HECW2: variants seen among roughly 807,000 people sequenced by gnomAD.
HECW2 encodes the protein E3 ubiquitin-protein ligase HECW2.
HECW2 carries 61 observed loss-of-function variants against 175.2 expected under a neutral mutation model. The ratio of observed to expected loss-of-function variants is 0.35; its 90% CI spans 0.28 to 0.43. HECW2 has a LOEUF of 0.43. Ranked by LOEUF, HECW2 falls within the 20% of genes least tolerant of loss-of-function variation. The probability of loss-of-function intolerance (pLI) is 1.00; values close to 1 mark genes in which losing one functional copy is unlikely to be tolerated. For missense variants in HECW2, 1,524 were observed against 2,000.5 expected (o/e 0.76, Z 4.54); for synonymous variants, 671 against 731.0 (o/e 0.92, Z 1.32).
In HECW2 at chr2:196,306,500, C is replaced by T; in HGVS notation, c.2802G>A (p.Leu934=). The part of the protein sequence containing the change: ...FLISPEFFTV[L]HSNPSAYRMF... ...ATTCGCTACTCACAGGGTTAGAATG[C>T]AGCACGGTGAAGAACTCTGGGCTGA... The change falls in exon 13 of 29, where the codon CTG becomes CTA. Residue 934 remains leucine (L), a synonymous_variant. Transcript: ENST00000644978. 1 of 1,610,164 alleles carries T rather than the reference C, an allele frequency of 6.2e-7. No homozygotes were observed. Among genetic ancestry groups the T allele is most frequent in the Non-Finnish European group, 8.5e-7 (1 of 1,178,252 alleles).
intron 1 of HECW2, among the ~76,000 whole-genome samples, chr2:196,499,085 G>A (rs1227686756): frequency 6.6e-6 from 1 of 152,026 alleles, no homozygotes; most frequent in African/African-American, 2.4e-5. Context: ...TTCTCAGAGA[G>A]GCAAATTTGA....
chr2:196,447,704 C>G lies in HECW2; in HGVS notation c.-35-14246G>C, dbSNP rs898100150. Among the ~76,000 whole-genome samples, 3 of 152,134 alleles carry G rather than the reference C, an allele frequency of 2.0e-5. No individual in the cohort carries two copies. In the South Asian group the frequency reaches 6.2e-4, roughly 32 times the overall value. ...TGACTGTAGTGAGAAAATCAAATATCGTATTGTGCTATCACACAGTTTTCT... is the reference window on the plus strand; with the variant it reads ...TGACTGTAGTGAGAAAATCAAATATGGTATTGTGCTATCACACAGTTTTCT... On this transcript the variant is annotated intron_variant, in intron 1 of 28. Transcript: ENST00000644978.
chr2:196,508,477 G>A (rs900360706), intron 1 of HECW2, among the ~76,000 whole-genome samples: 2 of 152,252 alleles, frequency 1.3e-5, no homozygotes, highest in African/African-American at 4.8e-5. Context: ...AGCAGGAAAT[G>A]TTTGACTTTC....
chr2:196,416,725 C>T (rs546894806), intron 2 of HECW2, among the ~76,000 whole-genome samples: 1 of 152,288 alleles, frequency 6.6e-6, no homozygotes, highest in East Asian at 1.9e-4. Flanking sequence ...TCCAAGTATC[C>T]CGCCAGGCTG....
intron 15 of HECW2, 117 bp downstream of exon 15, chr2:196,278,411 A>C: frequency 1.7e-6 from 2 of 1,162,262 alleles, no homozygotes; most frequent in South Asian, 1.7e-5. Context: ...CTCTAAATCA[A>C]ACTCAAAAAA....
At chr2:196,263,739 A>G (rs1463323326) in intron 17 of HECW2, 1 of 152,238 alleles carries the variant, frequency 6.6e-6, no homozygotes, top group Non-Finnish European at 1.5e-5. Flanking sequence ...TTAATCAGCC[A>G]CATGTGTAGG....
At chr2:196,526,681 A>T (rs1688662791) in intron 1 of HECW2, among the ~76,000 whole-genome samples, 1 of 145,766 alleles carries the variant, frequency 6.9e-6, no homozygotes, top group Non-Finnish European at 1.5e-5. Flanking sequence ...TCTGTTTGTT[A>T]GTTTTCCTTC....
chr2:196,447,522 T>A (rs1192783878), intron 1 of HECW2, among the ~76,000 whole-genome samples: 6 of 152,220 alleles, frequency 3.9e-5, no homozygotes, highest in Non-Finnish European at 8.8e-5. Context: ...TAAAGTCACA[T>A]GCAAAACCAC....
chr2:196,228,200 G>A lies in HECW2; in HGVS notation c.3819C>T (p.Leu1273=). 6.2e-7 allele frequency: 1 copy of A among 1,613,400 alleles called. No homozygotes were observed. The highest frequency in any genetic ancestry group is 8.5e-7 in the Non-Finnish European group (1 of 1,179,682). The change falls in exon 22 of 29, where the codon CTC becomes CTT. Residue 1273 remains leucine, a synonymous_variant. Transcript: ENST00000644978. The part of the protein sequence containing the change: ...REFFFLVSRE[L]FNPYYGLFEY... Reference sequence around the variant, plus strand: ...CAAATAAGCCATAATATGGGTTAAAGAGTTCTCTGGATACCAGGAAGAAAA... The same window carrying A: ...CAAATAAGCCATAATATGGGTTAAAAAGTTCTCTGGATACCAGGAAGAAAA...
At chr2:196,242,017 A>T in intron 20 of HECW2, 67 bp downstream of exon 20, 1 of 1,460,894 alleles carries the variant, frequency 6.8e-7, no homozygotes, top group Non-Finnish European at 9.5e-7. Context: ...TCAATTTCCT[A>T]GAGGCCCAAC....
chr2:196,243,847 G>A (rs1056210499), intron 19 of HECW2, among the ~76,000 whole-genome samples: 2 of 152,158 alleles, frequency 1.3e-5, no homozygotes, highest in Non-Finnish European at 2.9e-5. Context: ...CCAAAGTGCT[G>A]GGATTACAGG....
intron 17 of HECW2, among the ~76,000 whole-genome samples, 155 bp downstream of exon 17, chr2:196,271,036 TAC>T (rs1208162895): frequency 2.0e-5 from 3 of 152,280 alleles, no homozygotes; most frequent in African/African-American, 4.8e-5. Flanking sequence ...AAGCCAGCAC[TAC>T]AATACCTGGT....
At chr2:196,512,596 C>T (rs564455566) in intron 1 of HECW2, among the ~76,000 whole-genome samples, 5 of 152,016 alleles carry the variant, frequency 3.3e-5, no homozygotes, top group African/African-American at 1.2e-4. Flanking sequence ...CACTATGTTG[C>T]TCTAGCTGGT....
At chr2:196,523,151 C>A (rs1025029800) in intron 1 of HECW2, among the ~76,000 whole-genome samples, 5 of 152,140 alleles carry the variant, frequency 3.3e-5, no homozygotes, top group Non-Finnish European at 7.3e-5. Flanking sequence ...TCTTTTATTT[C>A]ATTGAGCAGT....
intron 2 of HECW2, among the ~76,000 whole-genome samples, chr2:196,368,402 T>C (rs1230002852): frequency 6.6e-6 from 1 of 152,242 alleles, no homozygotes; most frequent in Non-Finnish European, 1.5e-5. Flanking sequence ...GCTTTTAGCA[T>C]CCTTTCTTTA....
intron 13 of HECW2, among the ~76,000 whole-genome samples, chr2:196,296,298 T>C (rs1229747501): frequency 6.6e-6 from 1 of 152,226 alleles, no homozygotes; most frequent in African/African-American, 2.4e-5. Flanking sequence ...TGTCTCAATT[T>C]GCTTAACTGT....
chr2:196,333,047 AC>A (rs1290133431), intron 4 of HECW2, among the ~76,000 whole-genome samples: 1 of 151,888 alleles, frequency 6.6e-6, no homozygotes, highest in African/African-American at 2.4e-5. Flanking sequence ...CTCCCTCTTC[AC>A]CTATAAAACT....
intron 28 of HECW2, among the ~76,000 whole-genome samples, chr2:196,215,351 G>A (rs1293240301): frequency 6.6e-6 from 1 of 152,144 alleles, no homozygotes; most frequent in African/African-American, 2.4e-5. Context: ...AGCAGCAACA[G>A]CAAAGCATTT....
intron 2 of HECW2, among the ~76,000 whole-genome samples, chr2:196,418,299 T>C (rs1695311931): frequency 6.6e-6 from 1 of 152,084 alleles, no homozygotes; most frequent in African/African-American, 2.4e-5. Context: ...CAGCTAATTT[T>C]TTGTATTTTT....
Sources: allele counts gnomAD v4.1 joint callset (sites outside exome capture counted in the v4.1 genomes callset), GRCh38; gene constraint gnomAD v4.1.1; transcripts MANE v1.5; gene names NCBI Gene and HGNC (gene_info 2026-07-23, HGNC 2026-07-21).